Variants in PRSS12 observed in about 807,000 individuals in gnomAD.
The protein encoded by PRSS12 is neurotrypsin.
In PRSS12, 85 loss-of-function variants were observed where a neutral mutation model predicts 104.4. The ratio of observed to expected loss-of-function variants is 0.81; its 90% CI spans 0.68 to 0.98. The LOEUF (loss-of-function observed/expected upper bound fraction) is 0.98, where lower values mean the gene tolerates loss of function less well. Among genes scored for constraint, PRSS12 ranks in the 50% least tolerant of loss-of-function variants. PRSS12 has a pLI of 0.00. For missense variants in PRSS12, 1,141 were observed against 1,139.2 expected (o/e 1.00, Z -0.02); for synonymous variants, 454 against 425.2 (o/e 1.07, Z -0.83).
At chr4:118,318,287 G>T in intron 5 of PRSS12, 91 bp downstream of exon 5, 1 of 1,221,392 alleles carries the variant, frequency 8.2e-7, no homozygotes, top group Non-Finnish European at 1.2e-6. Context: ...TGCTCATTTG[G>T]TAATGTTGAA....
chr4:118,307,329 C>T (rs1743582402), intron 8 of PRSS12, among the ~76,000 whole-genome samples: 1 of 151,856 alleles, frequency 6.6e-6, no homozygotes, highest in South Asian at 2.1e-4. Flanking sequence ...GAAGTTTACC[C>T]CCAACATGTG....
At chr4:118,331,114 T>C (rs1578931839) in intron 4 of PRSS12, among the ~76,000 whole-genome samples, 1 of 152,348 alleles carries the variant, frequency 6.6e-6, no homozygotes, top group East Asian at 1.9e-4. Flanking sequence ...AGGCTTGTTA[T>C]ACCAATGTTC....
intron 8 of PRSS12, among the ~76,000 whole-genome samples, chr4:118,300,822 T>A (rs899422082): frequency 1.3e-5 from 2 of 152,100 alleles, no homozygotes; most frequent in Non-Finnish European, 2.9e-5. Context: ...ATTTAAAAAA[T>A]AAGTAATCTG....
At position 118,331,746 on chromosome 4, in the gene PRSS12, G is replaced by A; in HGVS notation, c.941C>T (p.Ala314Val). ...GCCCAGCTGCCTGCAGATCACTTCT[G>A]CATCGGCATCATCCCATTGGTCATC... is the stretch of plus-strand genomic sequence containing the variant. ...VCDDQWDDAD[A>V]EVICRQLGLS... The change falls in exon 4 of 13, where the codon GCA (alanine) becomes GTA (valine). Residue 314 changes from alanine (A) to valine (V), a missense_variant. Physicochemically the swap from Ala to Val is moderately conservative, Grantham distance 64. Coordinates refer to ENST00000296498, the MANE Select transcript of PRSS12 (RefSeq NM_003619.4). 1 of 1,614,128 alleles carries A rather than the reference G, an allele frequency of 6.2e-7. No homozygotes were observed. The highest frequency in any genetic ancestry group is 2.2e-5 in the East Asian group (1 of 44,872).
chr4:118,294,666 G>T (rs753110448), intron 11 of PRSS12, among the ~76,000 whole-genome samples: 19 of 152,098 alleles, frequency 1.2e-4, no homozygotes, highest in Non-Finnish European at 1.9e-4. Flanking sequence ...ATACGTTCTT[G>T]GGGGGAGCAC....
chr4:118,322,275 C>T (rs1443817184), intron 4 of PRSS12, among the ~76,000 whole-genome samples: 2 of 152,052 alleles, frequency 1.3e-5, no homozygotes, highest in Non-Finnish European at 2.9e-5. Context: ...ATAGGCTGGG[C>T]GCCGTGGCTC....
intron 2 of PRSS12, among the ~76,000 whole-genome samples, chr4:118,337,586 G>A (rs1020047385): frequency 6.6e-6 from 1 of 152,076 alleles, no homozygotes; most frequent in African/African-American, 2.4e-5. Context: ...AGAGCTAACA[G>A]AAGCTGCCAT....
Position 118,344,301 on chromosome 4 carries a change from A to T in PRSS12, c.503-5987T>A, listed in dbSNP as rs142941864. The stretch of plus-strand genomic sequence containing the variant: ...TCTCTATCAATTATAAAATATATTT[A>T]AAAAATTACAGTACCTGAAAACAAC... On this transcript the variant is annotated intron_variant, in intron 1 of 12. Transcript: ENST00000296498. Among the ~76,000 whole-genome samples, 187 of 152,302 alleles carry T rather than the reference A, an allele frequency of 1.2e-3. 5 individuals are homozygous for T. The South Asian group carries it at 0.018, about 15-fold the overall frequency.
intron 11 of PRSS12, among the ~76,000 whole-genome samples, chr4:118,285,663 G>GA (rs144169283): frequency 2.7e-5 from 4 of 149,954 alleles, no homozygotes; most frequent in African/African-American, 7.4e-5. Context: ...TACTTAGTAT[G>GA]AAAAAAAAAC....
chr4:118,299,794 T>TAAAATA (rs1466337106), intron 8 of PRSS12, among the ~76,000 whole-genome samples: 4 of 64,456 alleles, frequency 6.2e-5, no homozygotes, highest in African/African-American at 1.3e-4. Context: ...TAAAATAAAA[T>TAAAATA]AAATAAAATA....
At chr4:118,289,456 C>T (rs1441747567) in intron 11 of PRSS12, among the ~76,000 whole-genome samples, 1 of 152,064 alleles carries the variant, frequency 6.6e-6, no homozygotes, top group Non-Finnish European at 1.5e-5. Context: ...TATGAAATCC[C>T]GTTCCCCTAC....
At chr4:118,309,583 T>G (rs894006945) in intron 7 of PRSS12, among the ~76,000 whole-genome samples, 9 of 152,136 alleles carry the variant, frequency 5.9e-5, no homozygotes, top group African/African-American at 2.2e-4. Context: ...AATAAACATC[T>G]GTGTTTAAGT....
intron 4 of PRSS12, among the ~76,000 whole-genome samples, chr4:118,324,125 C>G (rs1016468513): frequency 2.6e-5 from 4 of 151,940 alleles, no homozygotes; most frequent in Non-Finnish European, 5.9e-5. Flanking sequence ...GTCTCAAACT[C>G]CTGAACTCAA....
chr4:118,296,903 A>G (rs1242930373), intron 9 of PRSS12, among the ~76,000 whole-genome samples: 1 of 152,214 alleles, frequency 6.6e-6, no homozygotes, highest in Non-Finnish European at 1.5e-5. Context: ...TAAGTTTCCA[A>G]TAATGCTCCA....
chr4:118,344,421 AC>A (rs1449483772), intron 1 of PRSS12, among the ~76,000 whole-genome samples: 1 of 148,556 alleles, frequency 6.7e-6, no homozygotes, highest in Non-Finnish European at 1.5e-5. Flanking sequence ...ATTCTACAGT[AC>A]TAAGTTATAC....
At chr4:118,337,338 T>A (rs141737737) in intron 2 of PRSS12, among the ~76,000 whole-genome samples, 2 of 152,284 alleles carry the variant, frequency 1.3e-5, no homozygotes, top group Admixed American at 1.3e-4. Context: ...AAAACATATG[T>A]TAAGTGCGCT....
intron 8 of PRSS12, among the ~76,000 whole-genome samples, 192 bp from the exon 9 acceptor site, chr4:118,299,130 T>C (rs932177141): frequency 1.3e-5 from 2 of 152,230 alleles, no homozygotes; most frequent in Non-Finnish European, 2.9e-5. Context: ...TTTCCCATAC[T>C]CCACAGCTAC....
intron 1 of PRSS12, among the ~76,000 whole-genome samples, chr4:118,350,841 C>G (rs1252809492): frequency 6.6e-6 from 1 of 152,140 alleles, no homozygotes; most frequent in Non-Finnish European, 1.5e-5. Flanking sequence ...TATATTCTCT[C>G]CTACACATTC....
intron 4 of PRSS12, among the ~76,000 whole-genome samples, chr4:118,320,140 T>C (rs1431680463): frequency 1.3e-5 from 2 of 152,216 alleles, no homozygotes; most frequent in Non-Finnish European, 2.9e-5. Context: ...GCATTTTCAG[T>C]CCCTTTTAGG....
Sources: allele counts gnomAD v4.1 joint callset (sites outside exome capture counted in the v4.1 genomes callset), GRCh38; gene constraint gnomAD v4.1.1; transcripts MANE v1.5; gene names NCBI Gene and HGNC (gene_info 2026-07-23, HGNC 2026-07-21).